VRK2: variants seen among roughly 807,000 people sequenced by gnomAD.
VRK2 encodes the protein VRK serine/threonine kinase 2.
VRK2 carries 60 observed loss-of-function variants against 57.6 expected under a neutral mutation model. The observed-to-expected ratio is 1.04, with a 90% CI of 0.85 to 1.29. The LOEUF (loss-of-function observed/expected upper bound fraction) is 1.29, where lower values mean the gene tolerates loss of function less well. VRK2 is among the 50% of genes most tolerant of loss of function. The pLI, the probability that VRK2 is intolerant of heterozygous loss-of-function variation, is 0.00. For missense variants in VRK2, 705 were observed against 588.1 expected (o/e 1.20, Z -2.06); for synonymous variants, 231 against 199.2 (o/e 1.16, Z -1.35).
At chr2:57,956,168 G>T (rs566833795) in intron 1 of VRK2, among the ~76,000 whole-genome samples, 2 of 152,160 alleles carry the variant, frequency 1.3e-5, no homozygotes, top group East Asian at 3.9e-4. Flanking sequence ...ATTGCTTGAG[G>T]CCAGGAATTC....
intron 1 of VRK2, among the ~76,000 whole-genome samples, chr2:57,978,945 T>C (rs1672332573): frequency 6.6e-6 from 1 of 150,974 alleles, no homozygotes; most frequent in African/African-American, 2.5e-5. Context: ...AGATGATGGC[T>C]TCCAGTTTCA....
intron 1 of VRK2, among the ~76,000 whole-genome samples, chr2:57,947,934 A>G (rs142968014): frequency 2.0e-4 from 30 of 152,272 alleles, no homozygotes; most frequent in Non-Finnish European, 1.5e-4. Context: ...CTGTTAAACC[A>G]GATTTATAAA....
chr2:58,008,490 T>C (rs1380209395), intron 1 of VRK2, among the ~76,000 whole-genome samples: 2 of 151,902 alleles, frequency 1.3e-5, no homozygotes, highest in Non-Finnish European at 2.9e-5. Flanking sequence ...AATGTCTATT[T>C]AAAGGTTTTT....
intron 7 of VRK2, among the ~76,000 whole-genome samples, chr2:58,096,537 G>A (rs1673158057): frequency 1.3e-5 from 2 of 151,674 alleles, no homozygotes; most frequent in South Asian, 4.2e-4. Flanking sequence ...AGTTTTTTAT[G>A]ACTTAAATTT....
chr2:57,955,283 T>A (rs979928127), intron 1 of VRK2, among the ~76,000 whole-genome samples: 1 of 152,142 alleles, frequency 6.6e-6, no homozygotes, highest in African/African-American at 2.4e-5. Context: ...GGTCTGTATA[T>A]CCAAATAATT....
At position 58,131,799 on chromosome 2, in the gene VRK2, C is replaced by T; in HGVS notation, c.677-9C>T. 6.2e-7 allele frequency: 1 copy of T among 1,600,456 alleles called. No homozygotes were observed. Among genetic ancestry groups the T allele is most frequent in the Non-Finnish European group, 8.5e-7 (1 of 1,175,382 alleles). On this transcript the variant is annotated splice_polypyrimidine_tract_variant and intron_variant, in intron 8 of 12. Transcript: ENST00000340157. Reference sequence around the variant, plus strand: ...CCCTTATCTTTCTCTCTAATGCTTACTCCTATAGCCTTGTCCAGACGAAGT... The same window carrying T: ...CCCTTATCTTTCTCTCTAATGCTTATTCCTATAGCCTTGTCCAGACGAAGT...
chr2:57,944,433 A>G (rs531597242), intron 1 of VRK2, among the ~76,000 whole-genome samples: 30 of 152,212 alleles, frequency 2.0e-4, no homozygotes, highest in Non-Finnish European at 4.0e-4. Context: ...GATAGAAAAT[A>G]ATTTTTTAAA....
chr2:58,099,357 A>G (rs539081970), intron 7 of VRK2, among the ~76,000 whole-genome samples: 1 of 152,192 alleles, frequency 6.6e-6, no homozygotes, highest in Non-Finnish European at 1.5e-5. Flanking sequence ...CTCCTAATGT[A>G]TATTTTAAGC....
At chr2:58,033,081 C>T (rs1456434603) in intron 2 of VRK2, 1 of 152,046 alleles carries the variant, frequency 6.6e-6, no homozygotes, top group Non-Finnish European at 1.5e-5. Context: ...CAGTCTATAG[C>T]ATATGTGTTC....
chr2:58,125,436 G>A (rs1032639064), intron 8 of VRK2, among the ~76,000 whole-genome samples: 1 of 151,978 alleles, frequency 6.6e-6, no homozygotes, highest in Non-Finnish European at 1.5e-5. Flanking sequence ...ATGTTGGTAA[G>A]ATTTCACCAC....
intron 3 of VRK2, among the ~76,000 whole-genome samples, chr2:58,084,617 A>C (rs1220926499): frequency 1.3e-5 from 2 of 151,882 alleles, no homozygotes; most frequent in Admixed American, 1.3e-4. Context: ...TGCTTCTAGT[A>C]AGTGTTCTCT....
chr2:58,096,613 A>G (rs761151859), intron 7 of VRK2, among the ~76,000 whole-genome samples: 2 of 151,620 alleles, frequency 1.3e-5, no homozygotes, highest in Non-Finnish European at 2.9e-5. Context: ...CCCTTTTTCT[A>G]TCCTTATGAA....
At chr2:57,964,227 T>C (rs1671842140) in intron 1 of VRK2, among the ~76,000 whole-genome samples, 1 of 152,210 alleles carries the variant, frequency 6.6e-6, no homozygotes. Context: ...AGATTTCATA[T>C]GTTATATGTA....
chr2:58,152,297 T>C (rs1301432322), intron 12 of VRK2, among the ~76,000 whole-genome samples: 1 of 151,894 alleles, frequency 6.6e-6, no homozygotes, highest in African/African-American at 2.4e-5. Context: ...GCTCTAGAAA[T>C]TACCATGTGC....
intron 2 of VRK2, among the ~76,000 whole-genome samples, chr2:58,057,964 G>A (rs969852917): frequency 6.6e-6 from 1 of 151,980 alleles, no homozygotes; most frequent in Admixed American, 6.6e-5. Context: ...AAATCAACAC[G>A]TTTTGCAAAA....
chr2:58,081,660 G>A lies in VRK2; in HGVS notation c.137-2429G>A, dbSNP rs1439755493. Among the ~76,000 whole-genome samples the A allele has an allele frequency of 4.6e-5, 7 of 151,816 alleles. No individual in the cohort carries two copies. The East Asian group carries it at 1.4e-3, about 29-fold the overall frequency. On this transcript the variant is annotated intron_variant, in intron 2 of 12. Transcript: ENST00000340157. ...TCCTACTTTTTTGGATAACTCAAGG[G>A]CATTATAGCATTTTAACTCTGATTA... is the stretch of plus-strand genomic sequence containing the variant.
chr2:58,098,493 C>A (rs567651612), intron 7 of VRK2, among the ~76,000 whole-genome samples: 1 of 152,086 alleles, frequency 6.6e-6, no homozygotes, highest in African/African-American at 2.4e-5. Flanking sequence ...ATTTTCAAAT[C>A]TTTTATATGG....
chr2:58,158,250 A>G (rs1684302944), intron 12 of VRK2, among the ~76,000 whole-genome samples: 1 of 151,850 alleles, frequency 6.6e-6, no homozygotes, highest in African/African-American at 2.4e-5. Flanking sequence ...TTTTGACTTT[A>G]GTTAATAAAG....
intron 2 of VRK2, among the ~76,000 whole-genome samples, chr2:58,052,855 A>C (rs1045148493): frequency 6.6e-6 from 1 of 152,212 alleles, no homozygotes; most frequent in Non-Finnish European, 1.5e-5. Flanking sequence ...TCAGATATTA[A>C]AGCTATTGGT....
Sources: allele counts gnomAD v4.1 joint callset (sites outside exome capture counted in the v4.1 genomes callset), GRCh38; gene constraint gnomAD v4.1.1; transcripts MANE v1.5; gene names NCBI Gene and HGNC (gene_info 2026-07-23, HGNC 2026-07-21).